The following ACOX3 variants were observed in gnomAD, a reference collection of about 807,000 sequenced individuals.
ACOX3 encodes the protein peroxisomal acyl-coenzyme A oxidase 3.
ACOX3 carries 73 observed loss-of-function variants against 81.5 expected under a neutral mutation model. That is an observed-to-expected ratio of 0.90 (90% confidence interval 0.74 to 1.09). ACOX3 has a LOEUF of 1.09. Ranked by LOEUF, ACOX3 falls within the 50% of genes least tolerant of loss-of-function variation. The pLI, the probability that ACOX3 is intolerant of heterozygous loss-of-function variation, is 0.00. For synonymous variants in ACOX3, 387 were observed against 375.1 expected, an observed-to-expected ratio of 1.03 and a Z score of -0.37; for missense variants, 947 against 928.0, an observed-to-expected ratio of 1.02 and a Z score of -0.27.
chr4:8,409,106 G>GA (rs1201014743), intron 6 of ACOX3, among the ~76,000 whole-genome samples: 7 of 152,266 alleles, frequency 4.6e-5, no homozygotes, highest in South Asian at 2.1e-4. Context: ...ACCTTACAAT[G>GA]AAAAAAATCT....
chr4:8,414,257 C>G lies in ACOX3; in HGVS notation c.543+35G>C. On this transcript the variant is annotated intron_variant, in intron 5 of 17. Transcript: ENST00000356406. The surrounding 1 kb of genome is among the most constrained non-coding windows in gnomAD (Gnocchi z 6.1). Reference sequence around the variant, plus strand: ...TTGCACTCATGACGTCTCATATGCTCCAAACTCAGGGACCCGGGGGAAGGT... The same window carrying G: ...TTGCACTCATGACGTCTCATATGCTGCAAACTCAGGGACCCGGGGGAAGGT... 3.2e-6 allele frequency: 5 copies of G among 1,584,044 alleles called. No homozygotes were observed. The highest frequency in any genetic ancestry group is 2.2e-5 in the East Asian group (1 of 44,716).
downstream of ACOX3, among the ~76,000 whole-genome samples, chr4:8,365,183 G>A (rs1475421859): frequency 3.3e-5 from 5 of 152,334 alleles, no homozygotes; most frequent in African/African-American, 1.2e-4. Flanking sequence ...TGAGGCCTGT[G>A]GGTGGCAGCC....
intron 16 of ACOX3, among the ~76,000 whole-genome samples, chr4:8,371,482 A>T (rs1019031101): frequency 1.8e-4 from 28 of 152,262 alleles, no homozygotes; most frequent in African/African-American, 6.5e-4. Context: ...TTATTCTTCA[A>T]TATGACACAT....
At chr4:8,362,145 C>G (rs931420074), downstream of ACOX3, among the ~76,000 whole-genome samples, 1 of 152,042 alleles carries the variant, frequency 6.6e-6, no homozygotes, top group Non-Finnish European at 1.5e-5. Context: ...TTCTTAAACG[C>G]AGGTTTTTAA....
downstream of ACOX3, among the ~76,000 whole-genome samples, chr4:8,363,601 A>G (rs1177606717): frequency 6.6e-6 from 1 of 152,198 alleles, no homozygotes; most frequent in Non-Finnish European, 1.5e-5. Flanking sequence ...TGTGAACCAG[A>G]GCAACTCCAT....
chr4:8,393,639 A>G (rs779805102), intron 10 of ACOX3, among the ~76,000 whole-genome samples: 97 of 44,660 alleles, frequency 2.2e-3, no homozygotes, highest in East Asian at 4.4e-3. Flanking sequence ...ACACACACGC[A>G]CACACACACA....
In ACOX3 at chr4:8,399,416, G is replaced by T; in HGVS notation, c.873+140C>A. The T allele has an allele frequency of 1.4e-6, 1 of 698,352 alleles. No homozygotes were observed. Among genetic ancestry groups the T allele is most frequent in the Non-Finnish European group, 2.4e-6 (1 of 417,126 alleles). The allele number at this position is 698,352 out of a possible 1,614,324, so 43.3% of individuals were successfully genotyped here. The stretch of plus-strand genomic sequence containing the variant: ...TTCTAGCGGGAGCACCAGAACCCGA[G>T]CCAGGAGAAGTATGCCCCAGCGACA... On this transcript the variant is annotated intron_variant, in intron 8 of 17. Coordinates refer to ENST00000356406, the MANE Select transcript of ACOX3 (RefSeq NM_003501.3). This position sits in a 1 kb window ranked among gnomAD's most constrained non-coding sequence, Gnocchi z 4.9.
At chr4:8,373,066 C>T (rs1419512967) in intron 16 of ACOX3, among the ~76,000 whole-genome samples, 1 of 152,028 alleles carries the variant, frequency 6.6e-6, no homozygotes, top group Non-Finnish European at 1.5e-5. Flanking sequence ...TCCTGGGTGA[C>T]ATAGGTAAAA....
At chr4:8,367,101 G>C (rs377626042) in intron 17 of ACOX3, 21 bp from the exon 18 acceptor site, 82 of 1,609,714 alleles carry the variant, frequency 5.1e-5, no homozygotes, top group Non-Finnish European at 5.9e-5. Context: ...CACGTACACA[G>C]CAAGTGAAGA....
At chr4:8,411,218 G>C (rs1405882004) in intron 5 of ACOX3, among the ~76,000 whole-genome samples, 1 of 152,214 alleles carries the variant, frequency 6.6e-6, no homozygotes, top group African/African-American at 2.4e-5. Flanking sequence ...GGGCCGCCTC[G>C]GGAGACACTG....
Position 8,416,592 on chromosome 4 carries a change from C to T in ACOX3, c.-14-57G>A. The stretch of plus-strand genomic sequence containing the variant: ...CTCCCATCTATGGGTTCAAACTACC[C>T]CCACCAACAGGAGAGCCCGCAACAC... On this transcript the variant is annotated intron_variant, in intron 1 of 17. Transcript: ENST00000356406. The surrounding 1 kb of genome is among the most constrained non-coding windows in gnomAD (Gnocchi z 4.2). 6.7e-7 allele frequency: 1 copy of T among 1,491,548 alleles called. No homozygotes were observed. The highest frequency in any genetic ancestry group is 8.9e-7 in the Non-Finnish European group (1 of 1,122,076). The allele number at this position is 1,491,548 out of a possible 1,614,324, so 92.4% of individuals were successfully genotyped here.
chr4:8,413,128 C>T (rs1209223119), intron 5 of ACOX3, among the ~76,000 whole-genome samples: 8 of 147,008 alleles, frequency 5.4e-5, no homozygotes, highest in Middle Eastern at 3.8e-3. Flanking sequence ...TCACTGCACC[C>T]CTGCGCCCCT....
rs974325324 is a variant in ACOX3, at chr4:8,400,768, G to T, written c.777-1116C>A. 3.9e-5 allele frequency among the ~76,000 whole-genome samples: 6 copies of T among 152,142 alleles called. No individual in the cohort carries two copies. The highest frequency in any genetic ancestry group is 9.7e-5 in the African/African-American group (4 of 41,444). ...TTGCAATGCCTTAGGGCAGCAGTCC[G>T]CAACCTTTTTGGCACCAGGGACCGG... is the stretch of plus-strand genomic sequence containing the variant. On this transcript the variant is annotated intron_variant, in intron 7 of 17. Transcript: ENST00000356406. The surrounding 1 kb of genome is among the most constrained non-coding windows in gnomAD (Gnocchi z 4.4).
At chr4:8,428,165 G>C (rs1203767021) in intron 1 of ACOX3, among the ~76,000 whole-genome samples, 1 of 152,248 alleles carries the variant, frequency 6.6e-6, no homozygotes, top group Non-Finnish European at 1.5e-5. Context: ...TGGGCCACCG[G>C]CCCTCCTGGC....
At chr4:8,375,460 A>G (rs1716831086) in intron 14 of ACOX3, among the ~76,000 whole-genome samples, 2 of 152,138 alleles carry the variant, frequency 1.3e-5, no homozygotes, top group African/African-American at 4.8e-5. Context: ...CGGAGCCTGG[A>G]GCCGGCCTCG....
At position 8,368,438 on chromosome 4, in the gene ACOX3, T is replaced by C. The variant is rs1719994; in HGVS notation, c.1984-1358A>G. Among the ~76,000 whole-genome samples, 103,864 of 151,992 alleles carry C rather than the reference T, an allele frequency of 0.68. 36,406 individuals carry two copies. Among genetic ancestry groups the C allele is most frequent in the African/African-American group, 0.83 (34,383 of 41,452 alleles). On this transcript the variant is annotated intron_variant, in intron 17 of 17. Coordinates refer to ENST00000356406, the MANE Select transcript of ACOX3 (RefSeq NM_003501.3). This position sits in a 1 kb window ranked among gnomAD's most constrained non-coding sequence, Gnocchi z 5.9. ...GGGCCTGGGGAGGTGGTCTATTGTG[T>C]ATCCAGCTTACGCTGACCCATTTTA...
intron 5 of ACOX3, among the ~76,000 whole-genome samples, chr4:8,411,163 G>A (rs1445345241): frequency 6.6e-6 from 1 of 152,206 alleles, no homozygotes. Context: ...ACAAAGATGA[G>A]CGCCTTCAGG....
rs1719805710 is a variant in ACOX3 at position 8,397,169 on chromosome 4, T to C, written c.874-50A>G. The C allele has an allele frequency of 2.0e-6, 3 of 1,479,316 alleles. No individual in the cohort carries two copies. The East Asian group carries it at 7.4e-5, about 37-fold the overall frequency. The allele number at this position is 1,479,316 out of a possible 1,614,324, so 91.6% of individuals were successfully genotyped here. ...GCTCAAGCCCGGCTGCGCGGCCACC[T>C]TGGGCAGAGTGGCTCAGAGGCGAAG... is the stretch of plus-strand genomic sequence containing the variant. On this transcript the variant is annotated intron_variant, in intron 8 of 17. Coordinates refer to ENST00000356406, the MANE Select transcript of ACOX3 (RefSeq NM_003501.3).
At position 8,416,884 on chromosome 4, in the gene ACOX3, T is replaced by A. The variant is rs796899264; in HGVS notation, c.-14-349A>T. Among the ~76,000 whole-genome samples, 2 of 152,246 alleles carry A rather than the reference T, an allele frequency of 1.3e-5. No homozygotes were observed. Among genetic ancestry groups the A allele is most frequent in the African/African-American group, 4.8e-5 (2 of 41,548 alleles). Reference sequence around the variant, plus strand: ...TGCCCTCTTGGGAGCACCCCGGACATCCAGACTCATCCCCAAGGCTCACTA... The same window carrying A: ...TGCCCTCTTGGGAGCACCCCGGACAACCAGACTCATCCCCAAGGCTCACTA... On this transcript the variant is annotated intron_variant, in intron 1 of 17. Transcript: ENST00000356406. The surrounding 1 kb of genome is among the most constrained non-coding windows in gnomAD (Gnocchi z 4.2).
Sources: allele counts gnomAD v4.1 joint callset (sites outside exome capture counted in the v4.1 genomes callset), GRCh38; gene constraint gnomAD v4.1.1; non-coding constraint Gnocchi (gnomAD v3.1); transcripts MANE v1.5; gene names NCBI Gene and HGNC (gene_info 2026-07-23, HGNC 2026-07-21).